The following KHDRBS2 variants were observed in gnomAD, a reference collection of about 807,000 sequenced individuals.
KHDRBS2 encodes KH domain-containing, RNA-binding, signal transduction-associated protein 2.
In KHDRBS2, 26 loss-of-function variants were observed where a neutral mutation model predicts 44.3. That is an observed-to-expected ratio of 0.59 (90% CI 0.43 to 0.81). The LOEUF (loss-of-function observed/expected upper bound fraction) is 0.81, where lower values mean the gene tolerates loss of function less well. Among genes scored for constraint, KHDRBS2 ranks in the 40% least tolerant of loss-of-function variants. The pLI is 0.00. For missense variants in KHDRBS2, 476 were observed against 433.1 expected, an observed-to-expected ratio of 1.10 and a Z score of -0.88; for synonymous variants, 194 against 151.1, an observed-to-expected ratio of 1.28 and a Z score of -2.08.
intron 1 of KHDRBS2, among the ~76,000 whole-genome samples, chr6:62,208,095 A>T (rs1244999926): frequency 2.0e-5 from 3 of 152,144 alleles, no homozygotes; most frequent in Non-Finnish European, 4.4e-5. Flanking sequence ...ATATCTGTAT[A>T]GTTGAATTAT....
intron 2 of KHDRBS2, among the ~76,000 whole-genome samples, chr6:62,072,973 G>A (rs543952039): frequency 2.0e-5 from 3 of 151,938 alleles, no homozygotes; most frequent in Non-Finnish European, 2.9e-5. Context: ...TCTGGTCCTG[G>A]ACTTTTTTTG....
At chr6:61,586,942 T>C in the KHDRBS2 span, among the ~76,000 whole-genome samples, 27 of 152,318 alleles carry the variant, frequency 1.8e-4, no homozygotes, top group Non-Finnish European at 3.7e-4. Context: ...TGACTAATAA[T>C]ACATGAGAAA....
At chr6:62,250,572 A>G (rs1836347995) in intron 1 of KHDRBS2, among the ~76,000 whole-genome samples, 1 of 151,962 alleles carries the variant, frequency 6.6e-6, no homozygotes, top group Non-Finnish European at 1.5e-5. Context: ...GAAAAGGGAG[A>G]GCCCTTGCTT....
intron 2 of KHDRBS2, among the ~76,000 whole-genome samples, chr6:62,114,888 T>A (rs1240948778): frequency 1.3e-5 from 2 of 151,328 alleles, no homozygotes; most frequent in East Asian, 3.8e-4. Flanking sequence ...TAGAAATTTA[T>A]GTTAAAAATG....
chr6:62,234,725 T>C (rs1833429699), intron 1 of KHDRBS2, among the ~76,000 whole-genome samples: 1 of 151,980 alleles, frequency 6.6e-6, no homozygotes. Flanking sequence ...GGGAAGTGAA[T>C]GGTGACCATA....
chr6:62,062,434 G>C (rs1435300229), intron 2 of KHDRBS2, among the ~76,000 whole-genome samples: 2 of 150,892 alleles, frequency 1.3e-5, no homozygotes, highest in African/African-American at 2.4e-5. Flanking sequence ...CTATCTCTCA[G>C]ACCACAGTGC....
At chr6:62,123,118 A>C (rs545765718) in intron 2 of KHDRBS2, among the ~76,000 whole-genome samples, 1 of 152,014 alleles carries the variant, frequency 6.6e-6, no homozygotes, top group African/African-American at 2.4e-5. Flanking sequence ...CTCATTGTTC[A>C]ACTCTCACCT....
intron 8 of KHDRBS2, among the ~76,000 whole-genome samples, chr6:61,691,860 G>A (rs1264901079): frequency 6.6e-6 from 1 of 152,010 alleles, no homozygotes; most frequent in East Asian, 1.9e-4. Flanking sequence ...TTGAAGTGAG[G>A]CACTCAAATG....
intron 2 of KHDRBS2, among the ~76,000 whole-genome samples, chr6:62,049,446 T>C (rs1424973230): frequency 1.3e-5 from 2 of 151,218 alleles, no homozygotes; most frequent in African/African-American, 4.9e-5. Flanking sequence ...AAAACCTTTG[T>C]GAACCTAGGC....
chr6:62,223,112 T>C (rs1831172049), intron 1 of KHDRBS2, among the ~76,000 whole-genome samples: 2 of 152,256 alleles, frequency 1.3e-5, no homozygotes, highest in Non-Finnish European at 2.9e-5. Flanking sequence ...AGGTTCTCCA[T>C]GACAGCCCCA....
chr6:62,047,233 T>A (rs1476100012), intron 3 of KHDRBS2, among the ~76,000 whole-genome samples: 2 of 151,900 alleles, frequency 1.3e-5, no homozygotes, highest in Non-Finnish European at 2.9e-5. Context: ...AATTGTCATT[T>A]CTCCCAAACA....
chr6:61,999,455 T>C (rs190587854), intron 3 of KHDRBS2, among the ~76,000 whole-genome samples: 48 of 152,252 alleles, frequency 3.2e-4, no homozygotes, highest in Non-Finnish European at 5.6e-4. Flanking sequence ...AAAGTTGTTT[T>C]CAGTATACTT....
chr6:61,767,126 T>G (rs925467200), intron 6 of KHDRBS2, among the ~76,000 whole-genome samples: 1 of 152,132 alleles, frequency 6.6e-6, no homozygotes, highest in Non-Finnish European at 1.5e-5. Flanking sequence ...TTTATATATC[T>G]GGGTGCTCCA....
At chr6:61,704,081 T>A (rs1769097815) in intron 7 of KHDRBS2, among the ~76,000 whole-genome samples, 1 of 151,886 alleles carries the variant, frequency 6.6e-6, no homozygotes, top group Non-Finnish European at 1.5e-5. Context: ...CTAGACAAAG[T>A]CTTACCTTCC....
rs10676797 is a variant in KHDRBS2 at position 61,905,854 on chromosome 6, C to CTTTTTTTTT, written c.484-4492_484-4484dup. Among the ~76,000 whole-genome samples the CTTTTTTTTT allele has an allele frequency of 9.6e-5, 11 of 114,186 alleles. 1 individual carries two copies. The highest frequency in any genetic ancestry group is 5.8e-4 in the South Asian group (2 of 3,430). 74.9% of individuals were successfully genotyped at this position (114,186 alleles called of 152,430 possible). A position where few individuals can be genotyped will look rare whatever the true frequency, so the allele number is the denominator to read the frequency against. On this transcript the variant is annotated intron_variant, in intron 4 of 8. Coordinates refer to ENST00000281156, the MANE Select transcript of KHDRBS2 (RefSeq NM_152688.4). ...AAAAAAAATATGGAACAAAACTTTT[C>CTTTTTTTTT]TTTTTTTTTTTTTTTTTTTGAGATG...
At chr6:61,736,893 T>C (rs1304773324) in intron 6 of KHDRBS2, among the ~76,000 whole-genome samples, 10 of 152,126 alleles carry the variant, frequency 6.6e-5, no homozygotes, top group Non-Finnish European at 1.3e-4. Context: ...TTTCTTTTTC[T>C]ATAATTTTCT....
the KHDRBS2 span, among the ~76,000 whole-genome samples, chr6:61,574,716 C>T: frequency 0.019 from 2,853 of 152,094 alleles, 51 homozygotes; most frequent in Non-Finnish European, 0.03. Flanking sequence ...ACCAGCCTGG[C>T]CAACATGGTG....
chr6:61,634,808 A>T, the KHDRBS2 span, among the ~76,000 whole-genome samples: 1 of 152,080 alleles, frequency 6.6e-6, no homozygotes, highest in Non-Finnish European at 1.5e-5. Context: ...ATTAATTTGT[A>T]TCTAATAAAG....
intron 7 of KHDRBS2, among the ~76,000 whole-genome samples, chr6:61,730,559 A>G (rs908915390): frequency 6.6e-6 from 1 of 152,132 alleles, no homozygotes; most frequent in African/African-American, 2.4e-5. Context: ...AATAAATGCT[A>G]TAGAAAAGTA....
Sources: gnomAD v4.1 joint callset for allele counts (sites outside exome capture counted in the v4.1 genomes callset) on GRCh38, gnomAD v4.1.1 for gene constraint, MANE v1.5 for transcripts, NCBI Gene and HGNC (gene_info 2026-07-23, HGNC 2026-07-21) for gene names.